The following MEIOSIN variants were observed in gnomAD, a reference collection of about 807,000 sequenced individuals.
MEIOSIN encodes the protein meiosis initiator protein.
In MEIOSIN, 18 loss-of-function variants were observed where a neutral mutation model predicts 23.4. The ratio of observed to expected loss-of-function variants is 0.77; its 90% confidence interval spans 0.53 to 1.14. The LOEUF (loss-of-function observed/expected upper bound fraction) is 1.14. Ranked by LOEUF, MEIOSIN falls within the 50% of genes most tolerant of loss-of-function variation. The probability of loss-of-function intolerance (pLI) is 0.00; values close to 1 mark genes in which losing one functional copy is unlikely to be tolerated. For missense variants in MEIOSIN, 428 were observed against 242.9 expected (o/e 1.76, Z -5.07); for synonymous variants, 187 against 100.6 (o/e 1.86, Z -5.14).
chr19:45,761,269 C>T (rs368060639), intron 11 of MEIOSIN, among the ~76,000 whole-genome samples: 8 of 151,868 alleles, frequency 5.3e-5, no homozygotes, highest in South Asian at 2.1e-4. Flanking sequence ...GGACTACAGG[C>T]GCCCACCAAC....
At chr19:45,745,995 A>G (rs1249622192) in intron 4 of MEIOSIN, among the ~76,000 whole-genome samples, 1 of 151,910 alleles carries the variant, frequency 6.6e-6, no homozygotes, top group African/African-American at 2.4e-5. Flanking sequence ...TTGAGACAGG[A>G]TCTCACTGTC....
At chr19:45,750,408 G>A (rs931767262) in intron 4 of MEIOSIN, among the ~76,000 whole-genome samples, 1 of 145,800 alleles carries the variant, frequency 6.9e-6, no homozygotes, top group Non-Finnish European at 1.5e-5. Flanking sequence ...TGCCCAGGCT[G>A]GAGTGCAACG....
Position 45,735,424 on chromosome 19 carries a change from T to G in MEIOSIN, c.48T>G (p.Ala16=). The change falls in exon 2 of 15, where the codon GCT becomes GCG. Residue 16 remains alanine, a synonymous_variant. Transcript: ENST00000457052. ...TGGGTTCCTCTGAACAGCCCAGAGCTAATTCACTGGGTCCCAGTGACAGGT... is the reference window on the plus strand; with the variant it reads ...TGGGTTCCTCTGAACAGCCCAGAGCGAATTCACTGGGTCCCAGTGACAGGT... ...RYLGSSEQPR[A]NSLGPSDRTL... The G allele has an allele frequency of 1.4e-6, 1 of 702,504 alleles. No homozygotes were observed. The highest frequency in any genetic ancestry group is 2.6e-6 in the Non-Finnish European group (1 of 384,726). The allele number at this position is 702,504 out of a possible 1,614,324, so 43.5% of individuals were successfully genotyped here.
chr19:45,761,423 A>ATTTT (rs35838022), intron 11 of MEIOSIN, among the ~76,000 whole-genome samples: 4 of 59,824 alleles, frequency 6.7e-5, no homozygotes, highest in African/African-American at 1.4e-4. Flanking sequence ...CGCCTGGCCT[A>ATTTT]TTTTTTTTTT....
chr19:45,759,342 C>T lies in MEIOSIN; in HGVS notation c.1169-72C>T, dbSNP rs141072592. The T allele has an allele frequency of 1.1e-3, 766 of 696,872 alleles. 4 individuals carry two copies. The highest frequency in any genetic ancestry group is 0.01 in the African/African-American group (594 of 57,276). 43.2% of individuals were successfully genotyped at this position (696,872 alleles called of 1,614,324 possible). A position where few individuals can be genotyped will look rare whatever the true frequency, so the allele number is the denominator to read the frequency against. On this transcript the variant is annotated intron_variant, in intron 10 of 14. Transcript: ENST00000457052. ...AGACGGGGACTCCGGCTAGCAGGGA[C>T]GGTGTGGCTGAAGCTGGGCGGTGTG...
intron 1 of MEIOSIN, among the ~76,000 whole-genome samples, chr19:45,734,233 G>A (rs1968372112): frequency 6.6e-6 from 1 of 151,980 alleles, no homozygotes; most frequent in Admixed American, 6.6e-5. Context: ...TAGGGTCTGG[G>A]GTTTCAGAGT....
At chr19:45,746,689 C>T (rs1031185557) in intron 4 of MEIOSIN, among the ~76,000 whole-genome samples, 1 of 151,950 alleles carries the variant, frequency 6.6e-6, no homozygotes, top group Non-Finnish European at 1.5e-5. Flanking sequence ...GGAGTGGTGG[C>T]GCGTGCCTAT....
Position 45,755,959 on chromosome 19 carries a change from C to G in MEIOSIN, c.803-11C>G. The G allele has an allele frequency of 1.4e-6, 1 of 701,780 alleles. No individual in the cohort carries two copies. Among genetic ancestry groups the G allele is most frequent in the South Asian group, 1.5e-5 (1 of 67,496 alleles). 43.5% of individuals were successfully genotyped at this position (701,780 alleles called of 1,614,324 possible). A position where few individuals can be genotyped will look rare whatever the true frequency, so the allele number is the denominator to read the frequency against. ...AGTCCCCAGGCATGGTCATCCTGAT[C>G]TGCCCCTTAGGCTGCTGGTGCCAGG... On this transcript the variant is annotated splice_polypyrimidine_tract_variant and intron_variant, in intron 7 of 14. Transcript: ENST00000457052.
rs1056095403 is a variant in MEIOSIN at position 45,762,041 on chromosome 19, A to G, written c.1537A>G (p.Lys513Glu). The change falls in exon 13 of 15, where the codon AAA becomes GAA. Residue 513 changes from lysine (K) to glutamate (E), a missense_variant. By Grantham distance (56) the Lys-to-Glu change is moderately conservative. Transcript: ENST00000457052. ...RLASPLLAAE[K>E]KATKGQVARA... is the part of the protein sequence containing the mutation. ...GGCCTCACCCCTGCTGGCAGCTGAGAAAAAGGCCACGAAGGGCCAAGTAGC... is the reference window on the plus strand; with the variant it reads ...GGCCTCACCCCTGCTGGCAGCTGAGGAAAAGGCCACGAAGGGCCAAGTAGC... 4 of 484,264 alleles carry G rather than the reference A, an allele frequency of 8.3e-6. No homozygotes were observed. The highest frequency in any genetic ancestry group is 3.6e-5 in the Admixed American group (1 of 28,152). 30.0% of individuals were successfully genotyped at this position (484,264 alleles called of 1,614,324 possible).
intron 4 of MEIOSIN, among the ~76,000 whole-genome samples, chr19:45,749,062 C>T (rs1968643434): frequency 6.8e-6 from 1 of 146,240 alleles, no homozygotes; most frequent in Non-Finnish European, 1.5e-5. Context: ...GACCGAGACT[C>T]CCTCTCAAAA....
At chr19:45,740,822 T>C (rs1397573659) in intron 3 of MEIOSIN, among the ~76,000 whole-genome samples, 3 of 151,086 alleles carry the variant, frequency 2.0e-5, no homozygotes, top group African/African-American at 7.3e-5. Context: ...AACTAGGGTA[T>C]GTTCAGGTTG....
chr19:45,742,797 A>AAAAC (rs375578906), intron 3 of MEIOSIN, among the ~76,000 whole-genome samples: 9 of 152,064 alleles, frequency 5.9e-5, no homozygotes, highest in African/African-American at 2.2e-4. Flanking sequence ...ACTCTGTCTC[A>AAAAC]AAACAAACAA....
chr19:45,735,054 C>T (rs1262606973), intron 1 of MEIOSIN, among the ~76,000 whole-genome samples: 9 of 151,400 alleles, frequency 5.9e-5, no homozygotes, highest in East Asian at 1.9e-4. Context: ...CCACCACGCC[C>T]GGCTAATTTT....
intron 7 of MEIOSIN, among the ~76,000 whole-genome samples, chr19:45,755,536 T>G (rs956969792): frequency 6.6e-6 from 1 of 152,136 alleles, no homozygotes; most frequent in Non-Finnish European, 1.5e-5. Flanking sequence ...TACTGCAACC[T>G]CTACCTCCCA....
At chr19:45,743,705 A>ATTTATTTATTTATTTATTT in intron 3 of MEIOSIN, among the ~76,000 whole-genome samples, 1 of 152,046 alleles carries the variant, frequency 6.6e-6, no homozygotes, top group Non-Finnish European at 1.5e-5. Flanking sequence ...TATTTTTAGT[A>ATTTATTTATTTATTTATTT]GGAACAGGGT....
At position 45,747,002 on chromosome 19, in the gene MEIOSIN, T is replaced by C. The variant is rs145066471; in HGVS notation, c.306+1681T>C. On this transcript the variant is annotated intron_variant, in intron 4 of 14. Transcript: ENST00000457052. ...AAAATATTTGAGGAATGTGAGTTTT[T>C]GGCATGCATAGGTGCTGGAATAGCC... Among the ~76,000 whole-genome samples the C allele has an allele frequency of 2.6e-3, 393 of 152,274 alleles. 3 individuals carry two copies. Among genetic ancestry groups the C allele is most frequent in the African/African-American group, 8.9e-3 (370 of 41,556 alleles).
rs1350927879 is a variant in MEIOSIN, at chr19:45,756,016, G to A, written c.849G>A (p.Ala283=). 5 of 702,718 alleles carry A rather than the reference G, an allele frequency of 7.1e-6. No individual in the cohort carries two copies. The highest frequency in any genetic ancestry group is 1.3e-5 in the Non-Finnish European group (5 of 385,018). The allele number at this position is 702,718 out of a possible 1,614,324, so 43.5% of individuals were successfully genotyped here. A position where few individuals can be genotyped will look rare whatever the true frequency, so the allele number is the denominator to read the frequency against. Residue 283 remains alanine (A), a synonymous_variant, in exon 8 of 15, where the codon GCG becomes GCA. Transcript: ENST00000457052. ...GSVQDDAPFP[A]LLAQEDVARI... Reference sequence around the variant, plus strand: ...TCCAGGATGACGCACCTTTCCCTGCGCTCCTGGCTCAGGAAGATGTGGCGA... The same window carrying A: ...TCCAGGATGACGCACCTTTCCCTGCACTCCTGGCTCAGGAAGATGTGGCGA...
In MEIOSIN at chr19:45,764,471, C is replaced by A. The variant is rs924887637; in HGVS notation, c.*353C>A. 1 of 242,006 alleles carries A rather than the reference C, an allele frequency of 4.1e-6. No homozygotes were observed. The highest frequency in any genetic ancestry group is 2.2e-5 in the African/African-American group (1 of 44,802). 15.0% of individuals were successfully genotyped at this position (242,006 alleles called of 1,614,324 possible). On this transcript the variant is annotated 3_prime_UTR_variant, in exon 15 of 15. Coordinates refer to ENST00000457052, the MANE Select transcript of MEIOSIN (RefSeq NM_001310124.2). ...TGCTCACCTCACCCTACTCCTCCCT[C>A]TCCTGTTCTATTTTTAGACTATTTA...
At chr19:45,762,936 C>T (rs112063704) in intron 13 of MEIOSIN, among the ~76,000 whole-genome samples, 3,354 of 152,264 alleles carry the variant, frequency 0.022, 116 homozygotes, top group African/African-American at 0.077. Flanking sequence ...CGGGTCCTGT[C>T]CCCCACCCAA....
Sources: gnomAD v4.1 joint callset for allele counts (sites outside exome capture counted in the v4.1 genomes callset) on GRCh38, gnomAD v4.1.1 for gene constraint, MANE v1.5 for transcripts, NCBI Gene and HGNC (gene_info 2026-07-23, HGNC 2026-07-21) for gene names.